Variants in HDAC9 observed in about 807,000 individuals in gnomAD.
HDAC9 encodes histone deacetylase 9, also known as MEF-2 interacting transcription repressor (MITR) protein.
In HDAC9, 41 loss-of-function variants were observed where a neutral mutation model predicts 139.4. The ratio of observed to expected loss-of-function variants is 0.29; its 90% CI spans 0.23 to 0.38. The LOEUF is 0.38. HDAC9 is among the 10% of genes least tolerant of loss of function. The probability of loss-of-function intolerance (pLI) is 1.00; values close to 1 mark genes in which losing one functional copy is unlikely to be tolerated. For missense variants in HDAC9, 1,147 were observed against 1,297.0 expected (o/e 0.88, Z 1.78); for synonymous variants, 517 against 476.2 (o/e 1.09, Z -1.12).
chr7:18,671,690 A>T (rs1487335693), intron 12 of HDAC9, among the ~76,000 whole-genome samples: 1 of 151,790 alleles, frequency 6.6e-6, no homozygotes, highest in African/African-American at 2.4e-5. Context: ...CCCCAACTCA[A>T]AAAAAAATCT....
intron 2 of HDAC9, among the ~76,000 whole-genome samples, chr7:18,510,594 A>T (rs372310734): frequency 1.3e-5 from 2 of 152,164 alleles, no homozygotes; most frequent in Non-Finnish European, 2.9e-5. Context: ...TAGCTCATCT[A>T]CATTTATTCT....
At chr7:18,547,299 G>A (rs1388699381) in intron 2 of HDAC9, among the ~76,000 whole-genome samples, 3 of 152,062 alleles carry the variant, frequency 2.0e-5, no homozygotes, top group Non-Finnish European at 4.4e-5. Context: ...GCAGTGGCAC[G>A]ATCTCCGCTC....
At chr7:18,293,354 A>G (rs1385737089) in intron 1 of HDAC9, among the ~76,000 whole-genome samples, 1 of 152,122 alleles carries the variant, frequency 6.6e-6, no homozygotes, top group Admixed American at 6.6e-5. Flanking sequence ...CATGTGCACA[A>G]CGTGCAGGTT....
At chr7:18,985,077 T>TTTA (rs895937575) in intron 25 of HDAC9, among the ~76,000 whole-genome samples, 8 of 152,194 alleles carry the variant, frequency 5.3e-5, no homozygotes, top group African/African-American at 1.7e-4. Context: ...TTTCTATTTA[T>TTTA]TTATTATTAT....
chr7:18,918,969 G>T (rs1299295858), intron 22 of HDAC9, among the ~76,000 whole-genome samples: 2 of 151,964 alleles, frequency 1.3e-5, no homozygotes, highest in African/African-American at 4.8e-5. Flanking sequence ...ACATGTTTCA[G>T]ATCCCCTGTG....
chr7:18,907,666 C>T (rs1409277335), intron 22 of HDAC9, among the ~76,000 whole-genome samples: 1 of 152,202 alleles, frequency 6.6e-6, no homozygotes. Flanking sequence ...TCCTCTGTAT[C>T]ATACCACCAA....
At chr7:18,291,916 G>A (rs1480971860) in intron 1 of HDAC9, among the ~76,000 whole-genome samples, 2 of 152,036 alleles carry the variant, frequency 1.3e-5, no homozygotes, top group African/African-American at 4.8e-5. Context: ...TTGGAGGGGC[G>A]CTGCAGTTGG....
chr7:18,949,897 T>C (rs1563080338), intron 23 of HDAC9: 1 of 151,932 alleles, frequency 6.6e-6, no homozygotes. Context: ...ACGTATTTTA[T>C]ATATATAGTG....
chr7:18,816,308 G>T (rs1794558707), intron 17 of HDAC9, among the ~76,000 whole-genome samples: 1 of 152,130 alleles, frequency 6.6e-6, no homozygotes, highest in Admixed American at 6.5e-5. Flanking sequence ...TATTATTGTT[G>T]CCATAATATA....
chr7:18,487,823 A>G (rs1446951248), intron 1 of HDAC9, among the ~76,000 whole-genome samples: 3 of 152,068 alleles, frequency 2.0e-5, no homozygotes, highest in Admixed American at 2.0e-4. Context: ...TATGCCACGT[A>G]TCAACTTGAC....
At position 18,385,247 on chromosome 7, in the gene HDAC9, C is replaced by T. The variant is rs983492009; in HGVS notation, c.-42+94732C>T. Among the ~76,000 whole-genome samples the T allele has an allele frequency of 5.9e-5, 9 of 152,076 alleles. No individual in the cohort carries two copies. In the South Asian group the frequency reaches 1.7e-3, roughly 28 times the overall value. On this transcript the variant is annotated intron_variant, in intron 1 of 3. Coordinates refer to the HDAC9 transcript ENST00000413509. ...TACAGCTCCAGATAAGAAATAAGCACTTCTCAAATGCAGGAATGTTTTAAG... is the reference window on the plus strand; with the variant it reads ...TACAGCTCCAGATAAGAAATAAGCATTTCTCAAATGCAGGAATGTTTTAAG...
chr7:18,772,401 A>G (rs1349728532), intron 16 of HDAC9, among the ~76,000 whole-genome samples: 3 of 152,100 alleles, frequency 2.0e-5, no homozygotes, highest in Non-Finnish European at 4.4e-5. Flanking sequence ...ATATTGACTC[A>G]GGAACCTCTT....
intron 1 of HDAC9, among the ~76,000 whole-genome samples, chr7:18,466,134 C>T (rs962978276): frequency 2.6e-5 from 4 of 152,132 alleles, no homozygotes; most frequent in African/African-American, 4.8e-5. Flanking sequence ...GTGTTCTTAA[C>T]GATGACCACT....
At chr7:18,406,457 G>A (rs989224502) in intron 1 of HDAC9, among the ~76,000 whole-genome samples, 3 of 151,406 alleles carry the variant, frequency 2.0e-5, no homozygotes, top group Non-Finnish European at 4.4e-5. Context: ...CAAGTGGTGC[G>A]ATCTCAGCTC....
intron 22 of HDAC9, among the ~76,000 whole-genome samples, chr7:18,899,728 C>T (rs1371028620): frequency 6.6e-6 from 1 of 151,776 alleles, no homozygotes; most frequent in Admixed American, 6.6e-5. Flanking sequence ...AACAAATTAT[C>T]AGTGTAATTT....
chr7:18,990,101 C>T (rs1419769370), intron 25 of HDAC9, among the ~76,000 whole-genome samples: 2 of 152,172 alleles, frequency 1.3e-5, no homozygotes, highest in African/African-American at 4.8e-5. Context: ...TGGTGAGGAA[C>T]TGAGTTCCTT....
intron 2 of HDAC9, chr7:18,509,328 G>A (rs1302534624): frequency 2.0e-6 from 2 of 985,328 alleles, no homozygotes; most frequent in African/African-American, 1.7e-5. Flanking sequence ...CAATGGGTAG[G>A]TGGGAGAACC....
At chr7:18,396,051 T>C (rs1787000754) in intron 1 of HDAC9, among the ~76,000 whole-genome samples, 1 of 145,834 alleles carries the variant, frequency 6.9e-6, no homozygotes, top group South Asian at 2.2e-4. Flanking sequence ...GCTGAGTAGA[T>C]TGTCCTGCCA....
chr7:18,397,216 C>T (rs1787144878), intron 1 of HDAC9, among the ~76,000 whole-genome samples: 1 of 152,016 alleles, frequency 6.6e-6, no homozygotes, highest in African/African-American at 2.4e-5. Context: ...GGGAGTGGTC[C>T]TTGTATATTA....
Sources: allele counts gnomAD v4.1 joint callset (sites outside exome capture counted in the v4.1 genomes callset), GRCh38; gene constraint gnomAD v4.1.1; transcripts MANE v1.5; gene names NCBI Gene and HGNC (gene_info 2026-07-23, HGNC 2026-07-21).